Variants in CSMD1 observed in about 807,000 individuals in gnomAD.
The protein encoded by CSMD1 is CUB and sushi domain-containing protein 1.
In CSMD1, 213 loss-of-function variants were observed where a neutral mutation model predicts 417.5. The observed-to-expected ratio is 0.51, with a 90% CI of 0.46 to 0.57. The LOEUF is 0.57. CSMD1 is among the 20% of genes least tolerant of loss of function. The pLI is 0.00. For synonymous variants in CSMD1, 2,862 were observed against 1,736.8 expected (o/e 1.65, Z -16.11); for missense variants, 6,923 against 4,529.7 (o/e 1.53, Z -15.17).
chr8:3,606,732 G>A (rs1265918339), intron 8 of CSMD1, among the ~76,000 whole-genome samples: 1 of 141,688 alleles, frequency 7.1e-6, no homozygotes, highest in African/African-American at 2.7e-5. Flanking sequence ...TTTTTTTTGA[G>A]ACAGAGTCTC....
chr8:3,995,319 T>C (rs1815118607), intron 5 of CSMD1, among the ~76,000 whole-genome samples: 1 of 152,216 alleles, frequency 6.6e-6, no homozygotes, highest in Non-Finnish European at 1.5e-5. Flanking sequence ...GTAGTCCTTG[T>C]GGCTGTGTTA....
Position 4,150,949 on chromosome 8 carries a change from A to C in CSMD1, c.416-118850T>G, listed in dbSNP as rs771636454. Among the ~76,000 whole-genome samples, 41 of 152,150 alleles carry C rather than the reference A, an allele frequency of 2.7e-4. 1 individual carries two copies. Among genetic ancestry groups the C allele is most frequent in the Non-Finnish European group, 4.6e-4 (31 of 68,048 alleles). On this transcript the variant is annotated intron_variant, in intron 3 of 69. Transcript: ENST00000635120. ...CTTTAATTACAGTCTGCAACGTCCA[A>C]ACTTTCAGTAAAAGTCTTCCAGATA...
chr8:3,407,488 G>C (rs181474548), intron 14 of CSMD1, among the ~76,000 whole-genome samples: 1 of 151,934 alleles, frequency 6.6e-6, no homozygotes, highest in East Asian at 1.9e-4. Context: ...TGCATGGATG[G>C]ATGAAATGAT....
chr8:4,314,879 T>C (rs1411416959), intron 3 of CSMD1, among the ~76,000 whole-genome samples: 2 of 152,114 alleles, frequency 1.3e-5, no homozygotes, highest in African/African-American at 2.4e-5. Context: ...ACGCTTCCTG[T>C]TGGAGTGAAG....
At chr8:3,936,238 G>C (rs952596888) in intron 5 of CSMD1, among the ~76,000 whole-genome samples, 4 of 151,370 alleles carry the variant, frequency 2.6e-5, no homozygotes, top group Admixed American at 2.6e-4. Context: ...AAAGCAGCAA[G>C]TGATGATGGA....
chr8:4,230,311 T>C (rs1801638658), intron 3 of CSMD1, among the ~76,000 whole-genome samples: 1 of 152,200 alleles, frequency 6.6e-6, no homozygotes, highest in South Asian at 2.1e-4. Context: ...TCAATTAATC[T>C]ATCCAATTAA....
chr8:4,451,496 T>C (rs1344665149), intron 2 of CSMD1, among the ~76,000 whole-genome samples: 1 of 152,176 alleles, frequency 6.6e-6, no homozygotes, highest in East Asian at 1.9e-4. Flanking sequence ...TAGAGAAATA[T>C]TAAACAAGTT....
chr8:4,244,516 A>C (rs1313553332), intron 3 of CSMD1, among the ~76,000 whole-genome samples: 3 of 151,980 alleles, frequency 2.0e-5, no homozygotes, highest in Non-Finnish European at 4.4e-5. Flanking sequence ...GAGTGTTAGC[A>C]AGTCAAATAA....
At chr8:3,850,999 T>C (rs894193376) in intron 5 of CSMD1, among the ~76,000 whole-genome samples, 14 of 152,230 alleles carry the variant, frequency 9.2e-5, no homozygotes, top group African/African-American at 2.9e-4. Flanking sequence ...TCAGCTTAGA[T>C]AAATATCTAT....
At chr8:4,622,833 G>T (rs188621404) in intron 2 of CSMD1, among the ~76,000 whole-genome samples, 2 of 152,084 alleles carry the variant, frequency 1.3e-5, no homozygotes, top group African/African-American at 4.8e-5. Flanking sequence ...GCCTCTCTTT[G>T]CAGATGACAT....
intron 45 of CSMD1, 43 bp from the exon 46 acceptor site, chr8:3,106,684 T>C (rs4875742): frequency 0.16 from 194,941 of 1,232,836 alleles, 17,286 homozygotes; most frequent in African/African-American, 0.19. Flanking sequence ...GTGTGTGACC[T>C]TCTGAGTGTG....
chr8:4,373,421 CAG>C (rs904774321), intron 3 of CSMD1, among the ~76,000 whole-genome samples: 2 of 152,160 alleles, frequency 1.3e-5, no homozygotes, highest in African/African-American at 4.8e-5. Context: ...ACAGAGGAGA[CAG>C]AGTGTGGAGT....
intron 2 of CSMD1, among the ~76,000 whole-genome samples, chr8:4,516,354 G>A (rs752710853): frequency 3.3e-5 from 5 of 152,132 alleles, no homozygotes; most frequent in African/African-American, 7.2e-5. Flanking sequence ...TGTTCTTTAA[G>A]GCATCCAGTT....
chr8:3,251,379 T>A (rs1054753801), intron 26 of CSMD1, among the ~76,000 whole-genome samples: 45 of 152,272 alleles, frequency 3.0e-4, no homozygotes, highest in Non-Finnish European at 5.9e-4. Flanking sequence ...GTTGTAGATA[T>A]GTGGCATTAT....
intron 2 of CSMD1, among the ~76,000 whole-genome samples, chr8:4,617,696 C>A (rs1458568511): frequency 6.6e-6 from 1 of 152,160 alleles, no homozygotes. Context: ...CTCAGTGAAT[C>A]TGTTCTTCAT....
intron 1 of CSMD1, among the ~76,000 whole-genome samples, chr8:4,850,414 C>G (rs1169346511): frequency 2.3e-4 from 19 of 83,174 alleles, no homozygotes; most frequent in Non-Finnish European, 4.6e-4. Context: ...TTGCTCTTGC[C>G]TTTAGTAAAA....
At chr8:4,847,238 G>A (rs1183861835) in intron 1 of CSMD1, among the ~76,000 whole-genome samples, 1 of 152,224 alleles carries the variant, frequency 6.6e-6, no homozygotes, top group South Asian at 2.1e-4. Flanking sequence ...GTAATAATGC[G>A]TTTGATGATG....
At chr8:3,426,110 T>G (rs1161969648) in intron 12 of CSMD1, among the ~76,000 whole-genome samples, 5 of 152,238 alleles carry the variant, frequency 3.3e-5, no homozygotes, top group Non-Finnish European at 7.3e-5. Context: ...TGAATTATAC[T>G]TGGTAACGTT....
At chr8:3,091,881 A>C (rs1040427229) in intron 47 of CSMD1, among the ~76,000 whole-genome samples, 1 of 152,232 alleles carries the variant, frequency 6.6e-6, no homozygotes, top group Non-Finnish European at 1.5e-5. Context: ...TGCATATGCT[A>C]TTAATGGTGT....
Sources: gnomAD v4.1 joint callset for allele counts (sites outside exome capture counted in the v4.1 genomes callset) on GRCh38, gnomAD v4.1.1 for gene constraint, MANE v1.5 for transcripts, NCBI Gene and HGNC (gene_info 2026-07-23, HGNC 2026-07-21) for gene names.